The following SGCZ variants were observed in gnomAD, a reference collection of about 807,000 sequenced individuals.
SGCZ encodes the protein zeta-sarcoglycan.
Under a neutral mutation model 41.3 loss-of-function variants are expected in SGCZ, and 40 were observed. The observed-to-expected ratio is 0.97, with a 90% CI of 0.75 to 1.26. The LOEUF (loss-of-function observed/expected upper bound fraction) is 1.26, where lower values mean the gene tolerates loss of function less well. Among genes scored for constraint, SGCZ ranks in the 50% most tolerant of loss-of-function variants. The pLI, the probability that SGCZ is intolerant of heterozygous loss-of-function variation, is 0.00. For synonymous variants in SGCZ, 206 were observed against 137.5 expected (o/e 1.50, Z -3.49); for missense variants, 552 against 369.8 (o/e 1.49, Z -4.04).
At chr8:15,195,076 G>A (rs1334121052) in intron 1 of SGCZ, among the ~76,000 whole-genome samples, 1 of 151,986 alleles carries the variant, frequency 6.6e-6, no homozygotes, top group Non-Finnish European at 1.5e-5. Flanking sequence ...TACACAGTGA[G>A]GTTCTTAAAT....
At chr8:14,388,518 T>C (rs936351206) in intron 2 of SGCZ, among the ~76,000 whole-genome samples, 3 of 152,148 alleles carry the variant, frequency 2.0e-5, no homozygotes, top group African/African-American at 4.8e-5. Context: ...ACATACACTA[T>C]GAGAAATAAA....
At chr8:14,515,576 GTTTA>G (rs1168713852) in intron 2 of SGCZ, among the ~76,000 whole-genome samples, 4 of 151,184 alleles carry the variant, frequency 2.6e-5, no homozygotes, top group East Asian at 1.9e-4. Flanking sequence ...ATACTTTTTA[GTTTA>G]TTTATAACTA....
intron 2 of SGCZ, among the ~76,000 whole-genome samples, chr8:14,328,699 C>T (rs4831574): frequency 0.2 from 30,459 of 152,118 alleles, 3,769 homozygotes; most frequent in Non-Finnish European, 0.29. Context: ...TTATGATACT[C>T]TTGTTCATCA....
chr8:14,224,602 C>T (rs77738224), intron 4 of SGCZ, among the ~76,000 whole-genome samples: 3 of 152,074 alleles, frequency 2.0e-5, no homozygotes, highest in South Asian at 2.1e-4. Context: ...TACTTTATTA[C>T]GTTGGCTACG....
At chr8:15,120,911 C>A (rs1289371083) in intron 1 of SGCZ, among the ~76,000 whole-genome samples, 1 of 152,166 alleles carries the variant, frequency 6.6e-6, no homozygotes, top group Non-Finnish European at 1.5e-5. Flanking sequence ...AATCCAAAAA[C>A]AGCCTCTGAA....
intron 1 of SGCZ, among the ~76,000 whole-genome samples, chr8:14,596,241 T>G (rs1352265256): frequency 6.6e-6 from 1 of 152,212 alleles, no homozygotes; most frequent in Non-Finnish European, 1.5e-5. Context: ...TTTACAAAGC[T>G]TCTCCAATTA....
At chr8:14,787,288 C>T (rs1042632326) in intron 1 of SGCZ, among the ~76,000 whole-genome samples, 2 of 152,026 alleles carry the variant, frequency 1.3e-5, no homozygotes, top group Admixed American at 6.6e-5. Context: ...TAAGTAATAA[C>T]TTAGAGTTGT....
intron 2 of SGCZ, among the ~76,000 whole-genome samples, chr8:14,445,840 C>A (rs1267193328): frequency 6.6e-6 from 1 of 152,128 alleles, no homozygotes; most frequent in Non-Finnish European, 1.5e-5. Flanking sequence ...GGGTTCCACA[C>A]AGATCTTGCT....
chr8:14,263,777 T>C (rs1357797251), intron 3 of SGCZ, among the ~76,000 whole-genome samples: 2 of 152,076 alleles, frequency 1.3e-5, no homozygotes, highest in African/African-American at 2.4e-5. Flanking sequence ...AAAGATGCAA[T>C]GAAGAGGGCA....
rs115866420 is a variant in SGCZ, at chr8:14,221,767, C to G, written c.424+15825G>C. On this transcript the variant is annotated intron_variant, in intron 4 of 7. Coordinates refer to ENST00000382080, the MANE Select transcript of SGCZ (RefSeq NM_139167.4). ...CCTGGCCAACATGGTGAAACCTCATCTGTACAAAAAATATAAAAAATTAGC... is the reference window on the plus strand; with the variant it reads ...CCTGGCCAACATGGTGAAACCTCATGTGTACAAAAAATATAAAAAATTAGC... Among the ~76,000 whole-genome samples the G allele has an allele frequency of 3.4e-3, 524 of 152,156 alleles. 4 individuals carry two copies. Among genetic ancestry groups the G allele is most frequent in the African/African-American group, 8.2e-3 (339 of 41,532 alleles).
intron 4 of SGCZ, among the ~76,000 whole-genome samples, chr8:14,211,589 G>A (rs1805808504): frequency 6.6e-6 from 1 of 152,042 alleles, no homozygotes; most frequent in South Asian, 2.1e-4. Context: ...GAGGCCTCAG[G>A]AAACTTAAAA....
chr8:14,363,066 G>C (rs1006365469), intron 2 of SGCZ, among the ~76,000 whole-genome samples: 1 of 152,100 alleles, frequency 6.6e-6, no homozygotes, highest in African/African-American at 2.4e-5. Context: ...CATGGTAATA[G>C]TCTGGAGGAA....
At chr8:15,205,762 G>A (rs965911651) in intron 1 of SGCZ, among the ~76,000 whole-genome samples, 2 of 152,120 alleles carry the variant, frequency 1.3e-5, no homozygotes, top group Non-Finnish European at 2.9e-5. Context: ...CCATTACTGG[G>A]TATATACCCA....
chr8:14,948,609 T>A (rs77014754), intron 1 of SGCZ, among the ~76,000 whole-genome samples: 2,705 of 152,214 alleles, frequency 0.018, 39 homozygotes, highest in Non-Finnish European at 0.026. Flanking sequence ...CTCCAGGTAG[T>A]TTCCACTGTT....
At chr8:14,975,208 A>G (rs748549367) in intron 1 of SGCZ, among the ~76,000 whole-genome samples, 4 of 152,172 alleles carry the variant, frequency 2.6e-5, no homozygotes, top group Non-Finnish European at 5.9e-5. Flanking sequence ...TGGGAGGCTG[A>G]GGCAGGAGAA....
At chr8:14,210,188 G>C (rs149722543) in intron 4 of SGCZ, among the ~76,000 whole-genome samples, 1 of 152,240 alleles carries the variant, frequency 6.6e-6, no homozygotes, top group African/African-American at 2.4e-5. Context: ...CTCCCAAGTA[G>C]CTGGGAATAC....
chr8:14,696,062 T>G (rs971830000), intron 1 of SGCZ, among the ~76,000 whole-genome samples: 10 of 152,118 alleles, frequency 6.6e-5, no homozygotes, highest in Non-Finnish European at 7.4e-5. Context: ...AATATTGGTT[T>G]TGTAGAAACA....
intron 3 of SGCZ, among the ~76,000 whole-genome samples, chr8:14,291,337 G>A (rs1256786108): frequency 7.2e-6 from 1 of 139,348 alleles, no homozygotes; most frequent in Non-Finnish European, 1.6e-5. Flanking sequence ...AAATTTTTAA[G>A]GTGATAGATA....
intron 1 of SGCZ, among the ~76,000 whole-genome samples, chr8:14,911,402 A>C (rs1799276399): frequency 6.6e-6 from 1 of 152,080 alleles, no homozygotes. Flanking sequence ...AATCTAGGAC[A>C]TTAAATAGCT....
Sources: allele counts gnomAD v4.1 joint callset (sites outside exome capture counted in the v4.1 genomes callset), GRCh38; gene constraint gnomAD v4.1.1; transcripts MANE v1.5; gene names NCBI Gene and HGNC (gene_info 2026-07-23, HGNC 2026-07-21).